COL24A1: variants seen among roughly 807,000 people sequenced by gnomAD.
COL24A1 encodes the protein collagen type XXIV alpha 1 chain, also known as collagen alpha-1(XXIV) chain.
A neutral mutation model predicts 253.9 loss-of-function variants in COL24A1; 224 were observed. The observed-to-expected ratio is 0.88, with a 90% CI of 0.79 to 0.99. The LOEUF (loss-of-function observed/expected upper bound fraction) is 0.99, where lower values mean the gene tolerates loss of function less well. COL24A1 is among the 50% of genes least tolerant of loss of function. The pLI is 0.00. For missense variants in COL24A1, 2,131 were observed against 2,068.5 expected (o/e 1.03, Z -0.59); for synonymous variants, 685 against 673.7 (o/e 1.02, Z -0.26).
At chr1:85,842,259 A>G in intron 40 of COL24A1, 81 bp downstream of exon 40, 1 of 1,342,888 alleles carries the variant, frequency 7.4e-7, no homozygotes, top group East Asian at 2.3e-5. Flanking sequence ...GAGAGATTTC[A>G]TCTTAATTTG....
chr1:85,879,950 CTT>C (rs1681634611), intron 32 of COL24A1, among the ~76,000 whole-genome samples: 1 of 152,160 alleles, frequency 6.6e-6, no homozygotes, highest in Non-Finnish European at 1.5e-5. Flanking sequence ...TACAGTAAAT[CTT>C]GAAGTCAGTG....
At chr1:86,038,630 T>G (rs560713454) in intron 12 of COL24A1, among the ~76,000 whole-genome samples, 1 of 152,266 alleles carries the variant, frequency 6.6e-6, no homozygotes, top group East Asian at 1.9e-4. Flanking sequence ...CAAAAGAATA[T>G]AGAAGTGACA....
Position 85,910,017 on chromosome 1 carries a change from A to G in COL24A1, c.2617-14T>C, listed in dbSNP as rs1409640109. 1.2e-6 allele frequency: 2 copies of G among 1,604,424 alleles called. No homozygotes were observed. The highest frequency in any genetic ancestry group is 2.7e-5 in the African/African-American group (2 of 74,650). ...TCCACGTTCTCCCTTTTAAGAGAACAAAGAAAAAAGAGTAACATAGAGGCA... is the reference window on the plus strand; with the variant it reads ...TCCACGTTCTCCCTTTTAAGAGAACGAAGAAAAAAGAGTAACATAGAGGCA... On this transcript the variant is annotated splice_polypyrimidine_tract_variant and intron_variant, in intron 25 of 59. Transcript: ENST00000370571.
chr1:85,731,259 G>A (rs1663444787), intron 59 of COL24A1, among the ~76,000 whole-genome samples: 1 of 151,680 alleles, frequency 6.6e-6, no homozygotes, highest in Non-Finnish European at 1.5e-5. Context: ...TAAACTCTGT[G>A]GAACAAAAAC....
chr1:86,133,135 T>C (rs531140644), intron 2 of COL24A1, among the ~76,000 whole-genome samples: 7 of 152,332 alleles, frequency 4.6e-5, no homozygotes, highest in East Asian at 3.9e-4. Context: ...GGGAGTTCAC[T>C]CATGATTTGG....
At chr1:85,849,069 T>A (rs1677470238) in intron 38 of COL24A1, among the ~76,000 whole-genome samples, 1 of 152,152 alleles carries the variant, frequency 6.6e-6, no homozygotes, top group Admixed American at 6.5e-5. Context: ...ATCTTTCTTC[T>A]TGCCCATGGT....
chr1:85,968,697 A>G (rs573237138), intron 22 of COL24A1, among the ~76,000 whole-genome samples: 1 of 143,606 alleles, frequency 7.0e-6, no homozygotes, highest in Non-Finnish European at 1.5e-5. Flanking sequence ...AAGAGCCTTA[A>G]TGAGTCATTC....
At chr1:86,063,359 C>CTCTGTG (rs1553121396) in intron 8 of COL24A1, among the ~76,000 whole-genome samples, 252 of 117,580 alleles carry the variant, frequency 2.1e-3, no homozygotes, top group Middle Eastern at 4.1e-3. Context: ...GTCTCTCTCT[C>CTCTGTG]TGTGTGTGTG....
chr1:85,784,291 G>A lies in COL24A1; in HGVS notation c.4135C>T (p.Pro1379Ser). The A allele has an allele frequency of 1.9e-6, 3 of 1,614,050 alleles. No homozygotes were observed. Among genetic ancestry groups the A allele is most frequent in the Non-Finnish European group, 1.7e-6 (2 of 1,179,966 alleles). ...GHRGAQGDQGPCGDPGLKGQP... is the reference protein window; with the variant it reads ...GHRGAQGDQGSCGDPGLKGQP... ...CCTTTCAGGCCAGGGTCTCCACATG[G>A]TCCTTGATCACCTTGTGCTCCTCGG... Residue 1379 changes from proline (P) to serine (S), a missense_variant, in exon 49 of 60, where the codon CCA becomes TCA. Coordinates refer to ENST00000370571, the MANE Select transcript of COL24A1 (RefSeq NM_152890.7).
chr1:86,118,567 A>G (rs1353761929), intron 3 of COL24A1, among the ~76,000 whole-genome samples: 1 of 152,198 alleles, frequency 6.6e-6, no homozygotes, highest in African/African-American at 2.4e-5. Context: ...CACTCAATAA[A>G]TATTATAAAG....
At chr1:85,802,805 T>G (rs936475586) in intron 47 of COL24A1, among the ~76,000 whole-genome samples, 10 of 152,226 alleles carry the variant, frequency 6.6e-5, no homozygotes, top group Non-Finnish European at 2.9e-5. Flanking sequence ...TTTTGAAATC[T>G]CTACAATTTT....
At chr1:85,952,567 C>T (rs1690037312) in intron 24 of COL24A1, among the ~76,000 whole-genome samples, 1 of 152,186 alleles carries the variant, frequency 6.6e-6, no homozygotes, top group African/African-American at 2.4e-5. Context: ...ATGGTAGATT[C>T]ATTTAACAAA....
At chr1:85,957,237 G>A (rs1163049425) in intron 24 of COL24A1, among the ~76,000 whole-genome samples, 1 of 152,120 alleles carries the variant, frequency 6.6e-6, no homozygotes, top group Non-Finnish European at 1.5e-5. Context: ...AATACCTAAT[G>A]CATGCAGGGT....
At chr1:85,992,902 C>T (rs557847125) in intron 19 of COL24A1, among the ~76,000 whole-genome samples, 1 of 152,138 alleles carries the variant, frequency 6.6e-6, no homozygotes, top group Admixed American at 6.5e-5. Flanking sequence ...CAATTTTTAC[C>T]AAGAAGCAGA....
chr1:85,850,726 C>T (rs183245260), intron 37 of COL24A1, among the ~76,000 whole-genome samples: 4 of 152,162 alleles, frequency 2.6e-5, no homozygotes, highest in African/African-American at 9.6e-5. Context: ...TTTCTAAAGG[C>T]CTCAGATTCC....
intron 5 of COL24A1, among the ~76,000 whole-genome samples, chr1:86,101,888 T>C (rs1421475951): frequency 1.3e-5 from 2 of 152,190 alleles, no homozygotes; most frequent in African/African-American, 4.8e-5. Flanking sequence ...GGGATGATGC[T>C]GGCCTCATTT....
chr1:86,038,696 G>T (rs1226837484), intron 12 of COL24A1, among the ~76,000 whole-genome samples: 1 of 152,126 alleles, frequency 6.6e-6, no homozygotes, highest in Non-Finnish European at 1.5e-5. Flanking sequence ...CCTTGCTGTA[G>T]TATCTTTACA....
At chr1:85,763,633 A>G (rs551243914) in intron 53 of COL24A1, among the ~76,000 whole-genome samples, 3 of 151,570 alleles carry the variant, frequency 2.0e-5, no homozygotes, top group African/African-American at 7.2e-5. Flanking sequence ...CTGGGACTAC[A>G]GGCGTGCGCC....
At chr1:85,895,026 T>C (rs1683531515) in intron 31 of COL24A1, among the ~76,000 whole-genome samples, 2 of 152,144 alleles carry the variant, frequency 1.3e-5, no homozygotes, top group African/African-American at 4.8e-5. Context: ...TATATGTGTA[T>C]ATAACAAATC....
Sources: gnomAD v4.1 joint callset for allele counts (sites outside exome capture counted in the v4.1 genomes callset) on GRCh38, gnomAD v4.1.1 for gene constraint, MANE v1.5 for transcripts, NCBI Gene and HGNC (gene_info 2026-07-23, HGNC 2026-07-21) for gene names.